LRP1B: variants seen among roughly 807,000 people sequenced by gnomAD.
LRP1B encodes low-density lipoprotein receptor-related protein 1B.
Under a neutral mutation model 556.6 loss-of-function variants are expected in LRP1B, and 217 were observed. The observed-to-expected ratio is 0.39, with a 90% CI of 0.35 to 0.44. LRP1B has a LOEUF of 0.44. Ranked by LOEUF, LRP1B falls within the 20% of genes least tolerant of loss-of-function variation. The pLI, the probability that LRP1B is intolerant of heterozygous loss-of-function variation, is 1.00. For synonymous variants in LRP1B, 2,047 were observed against 1,865.8 expected, an observed-to-expected ratio of 1.10 and a Z score of -2.50; for missense variants, 5,053 against 5,620.8, an observed-to-expected ratio of 0.90 and a Z score of 3.23.
intron 20 of LRP1B, among the ~76,000 whole-genome samples, chr2:140,923,639 A>G (rs1330469145): frequency 2.0e-5 from 3 of 152,092 alleles, no homozygotes; most frequent in Non-Finnish European, 4.4e-5. Flanking sequence ...AAAATCTTTG[A>G]AGAATAGCAT....
intron 2 of LRP1B, among the ~76,000 whole-genome samples, chr2:141,739,941 C>T (rs912998747): frequency 6.6e-6 from 1 of 151,748 alleles, no homozygotes; most frequent in Non-Finnish European, 1.5e-5. Flanking sequence ...TGACAACATT[C>T]CTAGAAGTTA....
At chr2:141,142,868 C>A (rs538325044) in intron 7 of LRP1B, among the ~76,000 whole-genome samples, 3 of 151,432 alleles carry the variant, frequency 2.0e-5, no homozygotes, top group East Asian at 3.9e-4. Flanking sequence ...CACCTCGAGG[C>A]TCCCCAAGTT....
chr2:140,883,769 G>A (rs184358729), intron 25 of LRP1B, 48 bp downstream of exon 25: 3 of 1,396,300 alleles, frequency 2.1e-6, no homozygotes, highest in African/African-American at 3.1e-5. Context: ...TAAATTGAAA[G>A]ACTATTTTTT....
chr2:141,676,371 G>A (rs1466468530), intron 2 of LRP1B, among the ~76,000 whole-genome samples: 1 of 152,094 alleles, frequency 6.6e-6, no homozygotes, highest in African/African-American at 2.4e-5. Context: ...ACAATGTCTT[G>A]TGGCCTCTAA....
chr2:141,214,425 T>C (rs406689), intron 6 of LRP1B, among the ~76,000 whole-genome samples: 78,475 of 151,910 alleles, frequency 0.52, 20,803 homozygotes, highest in East Asian at 0.75. Flanking sequence ...ATAAAACATA[T>C]AGTATTGGGA....
chr2:140,239,557 T>A (rs2104885114), intron 87 of LRP1B, 25 bp from the exon 88 acceptor site: 1 of 1,450,294 alleles, frequency 6.9e-7, no homozygotes, highest in Non-Finnish European at 9.6e-7. Flanking sequence ...AGTGAATAGA[T>A]GAAGAAATAA....
At chr2:140,396,221 A>G (rs990110049) in intron 66 of LRP1B, among the ~76,000 whole-genome samples, 1 of 152,182 alleles carries the variant, frequency 6.6e-6, no homozygotes, top group Admixed American at 6.5e-5. Context: ...AGCTCCTTCA[A>G]CCAGCTGAGA....
intron 2 of LRP1B, among the ~76,000 whole-genome samples, chr2:141,698,246 T>G (rs13386614): frequency 0.36 from 55,262 of 151,550 alleles, 10,876 homozygotes; most frequent in East Asian, 0.58. Flanking sequence ...GAAAAACAGT[T>G]GTGAGCAAGG....
intron 41 of LRP1B, among the ~76,000 whole-genome samples, chr2:140,693,796 C>T (rs4635464): frequency 2.0e-5 from 3 of 152,162 alleles, no homozygotes; most frequent in African/African-American, 7.2e-5. Context: ...CAACCTCTGC[C>T]TCCTAGGTTC....
chr2:141,365,763 C>T (rs1452008075), intron 3 of LRP1B, among the ~76,000 whole-genome samples: 3 of 148,080 alleles, frequency 2.0e-5, no homozygotes, highest in East Asian at 4.0e-4. Context: ...AGATCCGCCT[C>T]CCGGGTTCAC....
chr2:142,025,068 T>C (rs552341208), intron 1 of LRP1B, among the ~76,000 whole-genome samples: 3 of 152,234 alleles, frequency 2.0e-5, no homozygotes, highest in African/African-American at 7.2e-5. Context: ...ATGCATATAA[T>C]CATACATTTT....
intron 3 of LRP1B, among the ~76,000 whole-genome samples, chr2:141,294,159 CTTT>C (rs1333938597): frequency 6.6e-6 from 1 of 151,956 alleles, no homozygotes; most frequent in Non-Finnish European, 1.5e-5. Flanking sequence ...ACAAAAATAT[CTTT>C]TTATTTTTTC....
chr2:141,998,355 C>G (rs989841831), intron 1 of LRP1B, among the ~76,000 whole-genome samples: 1 of 152,084 alleles, frequency 6.6e-6, no homozygotes, highest in African/African-American at 2.4e-5. Context: ...GGACCATATG[C>G]TATTACCAGA....
chr2:140,291,219 T>TTGC (rs975561466), intron 84 of LRP1B, among the ~76,000 whole-genome samples: 1 of 148,572 alleles, frequency 6.7e-6, no homozygotes, highest in Non-Finnish European at 1.5e-5. Flanking sequence ...CTGTTCCCCC[T>TTGC]TGCTGCTTAC....
chr2:141,148,179 T>G (rs931730477), intron 7 of LRP1B, among the ~76,000 whole-genome samples: 3 of 152,218 alleles, frequency 2.0e-5, no homozygotes, highest in African/African-American at 7.2e-5. Flanking sequence ...GAATTGGGCC[T>G]TGTGGTTTCA....
intron 3 of LRP1B, among the ~76,000 whole-genome samples, chr2:141,263,956 T>C (rs1232593358): frequency 2.0e-5 from 3 of 152,164 alleles, no homozygotes; most frequent in Non-Finnish European, 4.4e-5. Flanking sequence ...ATACAACCCT[T>C]GGCAATGTAG....
intron 3 of LRP1B, among the ~76,000 whole-genome samples, chr2:141,382,144 G>T (rs751418188): frequency 6.6e-6 from 1 of 152,158 alleles, no homozygotes; most frequent in Non-Finnish European, 1.5e-5. Context: ...TCACACTAGT[G>T]TCTTGGCATA....
At chr2:140,824,529 G>A (rs1023939927) in intron 31 of LRP1B, among the ~76,000 whole-genome samples, 3 of 152,166 alleles carry the variant, frequency 2.0e-5, no homozygotes, top group African/African-American at 7.2e-5. Context: ...ATAAGCTAGA[G>A]AAAAAGCAAG....
intron 77 of LRP1B, among the ~76,000 whole-genome samples, chr2:140,340,752 C>G (rs16843808): frequency 0.099 from 14,952 of 150,998 alleles, 798 homozygotes; most frequent in Middle Eastern, 0.14. Flanking sequence ...GAAAATTAAG[C>G]CTACACGGTT....
Sources: gnomAD v4.1 joint callset for allele counts (sites outside exome capture counted in the v4.1 genomes callset) on GRCh38, gnomAD v4.1.1 for gene constraint, MANE v1.5 for transcripts, NCBI Gene and HGNC (gene_info 2026-07-23, HGNC 2026-07-21) for gene names.